Variants in DHX9 observed in about 807,000 individuals in gnomAD.
DHX9 encodes ATP-dependent RNA helicase A.
In DHX9, 27 loss-of-function variants were observed where a neutral mutation model predicts 148.7. That is an observed-to-expected ratio of 0.18 (90% confidence interval 0.13 to 0.25). DHX9 has a LOEUF of 0.25. DHX9 is among the 10% of genes least tolerant of loss of function. The pLI is 1.00. For synonymous variants in DHX9, 529 were observed against 516.6 expected (o/e 1.02, Z -0.33); for missense variants, 796 against 1,559.6 (o/e 0.51, Z 8.25).
chr1:182,862,852 A>G (rs536780176), intron 12 of DHX9, among the ~76,000 whole-genome samples: 1 of 152,286 alleles, frequency 6.6e-6, no homozygotes, highest in South Asian at 2.1e-4. Context: ...TGGTATAGAA[A>G]GTGTTAGTTA....
In DHX9 at chr1:182,866,938, T is replaced by G; in HGVS notation, c.1475-23T>G. ...TACTACTTTGAACTTTTCTATAGTT[T>G]ATTGATTGTTTTTCTTTTCAAGGTG... On this transcript the variant is annotated intron_variant, in intron 13 of 27. Coordinates refer to ENST00000367549, the MANE Select transcript of DHX9 (RefSeq NM_001357.5). 1.9e-6 allele frequency: 3 copies of G among 1,586,076 alleles called. No individual in the cohort carries two copies. The South Asian group carries it at 3.4e-5, about 18-fold the overall frequency.
Position 182,883,169 on chromosome 1 carries a change from C to A in DHX9, c.2945C>A (p.Thr982Asn). Residue 982 changes from threonine (T) to asparagine (N), a missense_variant, in exon 25 of 28, where the codon ACT (threonine) becomes AAT (asparagine). This residue lies in a region of DHX9 where 122 missense variants were observed against 289.3 expected (regional missense o/e 0.42). Transcript: ENST00000367549. ...TTGTTGACACAAGTGTTTACTAACA[C>A]TGGACCAGATAATAATTTGGATGTT... ...DCLLTQVFTN[T>N]GPDNNLDVVI... 1 of 1,614,052 alleles carries A rather than the reference C, an allele frequency of 6.2e-7. No homozygotes were observed. Among genetic ancestry groups the A allele is most frequent in the South Asian group, 1.1e-5 (1 of 91,080 alleles).
chr1:182,867,335 A>G (rs111928591), intron 14 of DHX9, among the ~76,000 whole-genome samples: 132 of 152,310 alleles, frequency 8.7e-4, no homozygotes, highest in African/African-American at 3.1e-3. Context: ...TTATGACTAA[A>G]TAGCTGATGG....
intron 27 of DHX9, among the ~76,000 whole-genome samples, 176 bp downstream of exon 27, chr1:182,884,989 A>G (rs1430357799): frequency 6.6e-6 from 1 of 152,176 alleles, no homozygotes; most frequent in East Asian, 1.9e-4. Context: ...AGAACAAAGA[A>G]TGTCATTTAC....
intron 11 of DHX9, 108 bp from the exon 12 acceptor site, chr1:182,859,885 T>G: frequency 1.4e-5 from 15 of 1,078,688 alleles, no homozygotes; most frequent in South Asian, 1.6e-5. Context: ...ATTACAGGCG[T>G]GAGCCACCGC....
chr1:182,873,542 GAAGTT>G (rs1648634576), intron 15 of DHX9, among the ~76,000 whole-genome samples: 1 of 152,218 alleles, frequency 6.6e-6, no homozygotes, highest in Admixed American at 6.5e-5. Flanking sequence ...ACTAGGAAGA[GAAGTT>G]AAGGATAAGT....
At chr1:182,865,063 TAGA>T in intron 12 of DHX9, among the ~76,000 whole-genome samples, 1 of 151,940 alleles carries the variant, frequency 6.6e-6, no homozygotes, top group Non-Finnish European at 1.5e-5. Flanking sequence ...CAGCTGTTAG[TAGA>T]AGTGTTAGAA....
At position 182,884,270 on chromosome 1, in the gene DHX9, CAAAA is replaced by C. The variant is rs200609431; in HGVS notation, c.3261-337_3261-334del. Among the ~76,000 whole-genome samples, 81 of 149,862 alleles carry C rather than the reference CAAAA, an allele frequency of 5.4e-4. 1 individual carries two copies. In the South Asian group the frequency reaches 0.016, roughly 29 times the overall value. The stretch of plus-strand genomic sequence containing the variant: ...AGGGCAACAGAGCAAGACTCTGTCT[CAAAA>C]AAAAAGAAAGTCTGAATGATCCATA... On this transcript the variant is annotated intron_variant, in intron 26 of 27. Coordinates refer to ENST00000367549, the MANE Select transcript of DHX9 (RefSeq NM_001357.5).
At chr1:182,859,544 G>GA (rs1380508652) in intron 11 of DHX9, among the ~76,000 whole-genome samples, 5 of 151,804 alleles carry the variant, frequency 3.3e-5, no homozygotes, top group Admixed American at 6.6e-5. Context: ...ATTCTTTTTT[G>GA]AAAAAAACAT....
Position 182,839,367 on chromosome 1 carries a change from A to G in DHX9, c.-112A>G, listed in dbSNP as rs752592904. ...TCGGAGCCATTTCGCCGATTCCTCC[A>G]TGCGAGTTGCTGTGCGTTTCTCTGT... On this transcript the variant is annotated 5_prime_UTR_variant, in exon 1 of 28. It removes an upstream start codon present in the reference 5' UTR. Transcript: ENST00000367549. 2.6e-5 allele frequency: 4 copies of G among 151,602 alleles called. No individual in the cohort carries two copies. Among genetic ancestry groups the G allele is most frequent in the African/African-American group, 9.7e-5 (4 of 41,146 alleles). The allele number at this position is 151,602 out of a possible 1,614,324, so 9.4% of individuals were successfully genotyped here.
intron 25 of DHX9, 23 bp from the exon 26 acceptor site, chr1:182,883,497 A>G (rs1486585517): frequency 1.9e-6 from 3 of 1,605,092 alleles, no homozygotes; most frequent in South Asian, 1.1e-5. Flanking sequence ...ACCATTTTGT[A>G]TTGTCTCTTT....
intron 15 of DHX9, 115 bp downstream of exon 15, chr1:182,872,608 A>G (rs2102613137): frequency 2.6e-6 from 3 of 1,150,864 alleles, no homozygotes; most frequent in Non-Finnish European, 3.7e-6. Context: ...GACAAATTAT[A>G]GTATCAAATG....
intron 14 of DHX9, among the ~76,000 whole-genome samples, chr1:182,871,359 AAAAAGTGACACT>A (rs1648547304): frequency 6.6e-6 from 1 of 152,228 alleles, no homozygotes; most frequent in Non-Finnish European, 1.5e-5. Context: ...TTTATTTAAT[AAAAAGTGACACT>A]AAAAATGTTG....
chr1:182,879,769 A>G (rs1219372059), intron 21 of DHX9, among the ~76,000 whole-genome samples: 3 of 152,192 alleles, frequency 2.0e-5, no homozygotes, highest in Non-Finnish European at 4.4e-5. Flanking sequence ...TCCATTGCCC[A>G]GGCTGGAGTG....
intron 7 of DHX9, 92 bp from the exon 8 acceptor site, chr1:182,858,012 C>T (rs1668287078): frequency 1.5e-6 from 2 of 1,332,966 alleles, no homozygotes; most frequent in Non-Finnish European, 2.1e-6. Flanking sequence ...TTTAGGGCTT[C>T]TTGTGTACGT....
chr1:182,858,798 G>A lies in DHX9; in HGVS notation c.966G>A (p.Gln322=). The part of the protein sequence containing the change: ...IGKLAQFEPS[Q]RQNQVGVVPW... Reference sequence around the variant, plus strand: ...AATTGGCTCAGTTCGAACCATCTCAGCGACAAAACCAAGTGGGTGTGGTTC... The same window carrying A: ...AATTGGCTCAGTTCGAACCATCTCAACGACAAAACCAAGTGGGTGTGGTTC... The change falls in exon 10 of 28, where the codon CAG becomes CAA. Residue 322 remains glutamine, a synonymous_variant. Coordinates refer to ENST00000367549, the MANE Select transcript of DHX9 (RefSeq NM_001357.5). 1 of 1,614,128 alleles carries A rather than the reference G, an allele frequency of 6.2e-7. No individual in the cohort carries two copies. Among genetic ancestry groups the A allele is most frequent in the Non-Finnish European group, 8.5e-7 (1 of 1,180,022 alleles).
At chr1:182,854,237 T>A in intron 6 of DHX9, 59 bp downstream of exon 6, 3 of 1,435,336 alleles carry the variant, frequency 2.1e-6, no homozygotes, top group Non-Finnish European at 2.8e-6. Context: ...GGATATTCAC[T>A]GTTGAATATA....
chr1:182,850,881 A>G (rs966463058), intron 3 of DHX9, among the ~76,000 whole-genome samples: 1 of 152,344 alleles, frequency 6.6e-6, no homozygotes, highest in South Asian at 2.1e-4. Flanking sequence ...GAAATGTTAA[A>G]AAAGGAAATC....
Position 182,881,545 on chromosome 1 carries a change from C to G in DHX9, c.2812C>G (p.Arg938Gly). The change falls in exon 24 of 28, where the codon CGT (arginine) becomes GGT (glycine). Residue 938 changes from arginine (R) to glycine (G), a missense_variant. Arg to Gly is a moderately radical substitution (Grantham distance 125). Coordinates refer to ENST00000367549, the MANE Select transcript of DHX9 (RefSeq NM_001357.5). ...AATGGGTGGAGAAGAAGCAGAGATA[C>G]GTTTTTGTGAGCACAAAAGACTTAA... ...ARMGGEEAEIRFCEHKRLNMA... is the reference protein window; with the variant it reads ...ARMGGEEAEIGFCEHKRLNMA... 2 of 1,612,788 alleles carry G rather than the reference C, an allele frequency of 1.2e-6. No homozygotes were observed. Among genetic ancestry groups the G allele is most frequent in the South Asian group, 1.1e-5 (1 of 90,654 alleles).
Sources: gnomAD v4.1 joint callset for allele counts (sites outside exome capture counted in the v4.1 genomes callset) on GRCh38, gnomAD v4.1.1 for gene constraint, gnomAD v4.1.1 regional missense constraint, MANE v1.5 for transcripts, NCBI Gene and HGNC (gene_info 2026-07-23, HGNC 2026-07-21) for gene names.